The following CDKN2A variants were observed in gnomAD, a reference collection of about 807,000 sequenced individuals.
The protein encoded by CDKN2A is cyclin-dependent kinase inhibitor 2A.
CDKN2A carries 3 observed loss-of-function variants against 11.1 expected under a neutral mutation model. The ratio of observed to expected loss-of-function variants is 0.27; its 90% CI spans 0.12 to 0.70. The LOEUF (loss-of-function observed/expected upper bound fraction) is 0.70. CDKN2A is among the 30% of genes least tolerant of loss of function. The probability of loss-of-function intolerance (pLI) is 0.77; values close to 1 mark genes in which losing one functional copy is unlikely to be tolerated. For missense variants in CDKN2A, 265 were observed against 233.6 expected, an observed-to-expected ratio of 1.13 and a Z score of -0.88; for synonymous variants, 122 against 108.1, an observed-to-expected ratio of 1.13 and a Z score of -0.80.
chr9:21,990,095 G>C (rs1038405651), intron 2 of CDKN2A: 2 of 152,774 alleles, frequency 1.3e-5, no homozygotes, highest in Non-Finnish European at 2.9e-5. Flanking sequence ...CCCCAGCGTG[G>C]CTCCGGAGGC....
intron 2 of CDKN2A, chr9:21,970,426 A>G (rs1356361244): frequency 2.9e-6 from 1 of 350,320 alleles, no homozygotes; most frequent in African/African-American, 2.1e-5. Flanking sequence ...TGAGTTGTGC[A>G]GAAGAGCCGA....
intron 1 of CDKN2A, among the ~76,000 whole-genome samples, chr9:21,971,575 A>ATTTTTTTT (rs59981968): frequency 0.012 from 1,283 of 111,268 alleles, 111 homozygotes; most frequent in African/African-American, 0.049. Flanking sequence ...AGGCCTGGAG[A>ATTTTTTTT]TTTTTTTTTT....
chr9:21,971,299 C>T, intron 1 of CDKN2A, 91 bp from the exon 2 acceptor site: 1 of 1,535,480 alleles, frequency 6.5e-7, no homozygotes, highest in Admixed American at 2.0e-5. Context: ...GCCAAGCAGA[C>T]CCCCACACAA....
At chr9:21,993,171 ACGGT>A (rs2131144956) in intron 2 of CDKN2A, among the ~76,000 whole-genome samples, 1 of 152,352 alleles carries the variant, frequency 6.6e-6, no homozygotes, top group Admixed American at 6.5e-5. Context: ...TACCACAAGG[ACGGT>A]CATAAAAGTG....
rs1060504181 is a variant in CDKN2A, at chr9:21,971,113, C to T, written c.246G>A (p.Val82=). 3 of 1,604,352 alleles carry T rather than the reference C, an allele frequency of 1.9e-6. No individual in the cohort carries two copies. The highest frequency in any genetic ancestry group is 1.1e-5 in the South Asian group (1 of 90,990). Residue 82 remains valine (V), a synonymous_variant, in exon 2 of 3, where the codon GTG becomes GTA. Coordinates refer to ENST00000304494, the MANE Select transcript of CDKN2A (RefSeq NM_000077.5). ...GGAAGCCCTCCCGGGCAGCGTCGTGCACGGGTCGGGTGAGAGTGGCGGGGT... is the reference window on the plus strand; with the variant it reads ...GGAAGCCCTCCCGGGCAGCGTCGTGTACGGGTCGGGTGAGAGTGGCGGGGT... The part of the protein sequence containing the change: ...CADPATLTRP[V]HDAAREGFLD...
chr9:21,970,889 C>A lies in CDKN2A; in HGVS notation c.457+13G>T, dbSNP rs1320346624. The A allele has an allele frequency of 6.2e-7, 1 of 1,610,424 alleles. No homozygotes were observed. The highest frequency in any genetic ancestry group is 1.8e-4 in the Middle Eastern group (1 of 5,572). Reference sequence around the variant, plus strand: ...GCTCTCAGGGTACAAATTCTCAGATCATCAGTCCTCACCTGAGGGACCTTC... The same window carrying A: ...GCTCTCAGGGTACAAATTCTCAGATAATCAGTCCTCACCTGAGGGACCTTC... On this transcript the variant is annotated intron_variant, in intron 2 of 2. Coordinates refer to ENST00000304494, the MANE Select transcript of CDKN2A (RefSeq NM_000077.5).
At position 21,994,282 on chromosome 9, in the gene CDKN2A, G is replaced by A. The variant is rs1820534329; in HGVS notation, c.-175-229C>T. On this transcript the variant is annotated intron_variant, in intron 1 of 3. Transcript: ENST00000494262. ...AACCACGAAAACCCTCACTCGCGGC[G>A]GGCCGCACGCGCGCCGAATCCGGAG... is the stretch of plus-strand genomic sequence containing the variant. 4 of 1,604,002 alleles carry A rather than the reference G, an allele frequency of 2.5e-6. No individual in the cohort carries two copies. Among genetic ancestry groups the A allele is most frequent in the Non-Finnish European group, 3.4e-6 (4 of 1,175,950 alleles).
chr9:21,980,871 A>G (rs1466863609), intron 2 of CDKN2A, among the ~76,000 whole-genome samples: 1 of 147,892 alleles, frequency 6.8e-6, no homozygotes, highest in Admixed American at 6.8e-5. Context: ...AGGAAGGAGA[A>G]TGGCGTGAAC....
Position 21,974,647 on chromosome 9 carries a change from C to T in CDKN2A, c.150+31G>A, listed in dbSNP as rs537813612. On this transcript the variant is annotated intron_variant, in intron 1 of 2. Transcript: ENST00000304494. This position sits in a 1 kb window ranked among gnomAD's most constrained non-coding sequence, Gnocchi z 5.2. ...TTCGTCCTCCAGAGTCGCCCGCCAT[C>T]CCCTGCTCCCGCTGCAGACCCTCTA... 4 of 1,614,240 alleles carry T rather than the reference C, an allele frequency of 2.5e-6. No homozygotes were observed. The highest frequency in any genetic ancestry group is 2.2e-5 in the South Asian group (2 of 91,090).
At chr9:21,990,654 C>T (rs148014603) in intron 2 of CDKN2A, among the ~76,000 whole-genome samples, 740 of 29,862 alleles carry the variant, frequency 0.025, 11 homozygotes, top group African/African-American at 0.058. Flanking sequence ...GAGAGAGAAA[C>T]TGTTTACTGT....
intron 2 of CDKN2A, chr9:21,970,107 T>C: frequency 3.7e-6 from 1 of 271,550 alleles, no homozygotes. Context: ...CCAGAAACAA[T>C]TGAGTAATGT....
Position 21,994,103 on chromosome 9 carries a change from C to G in CDKN2A, c.-175-50G>C, listed in dbSNP as rs761780931. 2.5e-6 allele frequency: 4 copies of G among 1,589,372 alleles called. 1 individual carries two copies. The highest frequency in any genetic ancestry group is 2.2e-5 in the South Asian group (2 of 90,104). ...AAATCACACCAAACAAAACAAGTGC[C>G]GAATGCGCCCCGGACTTTTCGAGGG... On this transcript the variant is annotated intron_variant, in intron 1 of 3. Coordinates refer to the CDKN2A transcript ENST00000494262.
At chr9:21,994,415 T>G in intron 1 of CDKN2A, 1 of 1,604,052 alleles carries the variant, frequency 6.2e-7, no homozygotes, top group Non-Finnish European at 8.5e-7. Context: ...TCCTGCCCCC[T>G]TAACTGCAGA....
At chr9:21,984,295 A>T (rs973994243) in intron 2 of CDKN2A, among the ~76,000 whole-genome samples, 1 of 151,824 alleles carries the variant, frequency 6.6e-6, no homozygotes, top group African/African-American at 2.4e-5. Context: ...TCCAAAAAAA[A>T]CCCCTCATTA....
In CDKN2A at chr9:21,971,020, C is replaced by T. The variant is rs575031539; in HGVS notation, c.339G>A (p.Leu113=). ...CCAGCTCCTCAGCCAGGTCCACGGG[C>T]AGACGGCCCCAGGCATCGCGCACGT... ...RLDVRDAWGR[L]PVDLAEELGH... is the part of the protein sequence containing the mutation. The change falls in exon 2 of 3, where the codon CTG becomes CTA. Residue 113 remains leucine, a synonymous_variant. Transcript: ENST00000304494. 5.0e-6 allele frequency: 8 copies of T among 1,607,312 alleles called. No homozygotes were observed. The highest frequency in any genetic ancestry group is 6.8e-6 in the Non-Finnish European group (8 of 1,179,672).
Position 21,967,778 on chromosome 9 carries a change from T to G in CDKN2A, c.*451A>C, listed in dbSNP as rs929343241. 2.1e-5 allele frequency: 6 copies of G among 291,850 alleles called. No homozygotes were observed. The highest frequency in any genetic ancestry group is 1.3e-4 in the African/African-American group (6 of 46,784). The allele number at this position is 291,850 out of a possible 1,614,324, so 18.1% of individuals were successfully genotyped here. ...GAGTGAATGAATGAAAATTATTTTA[T>G]TTTTATTTGAGCTTTGGTTCTGCCA... On this transcript the variant is annotated 3_prime_UTR_variant, in exon 3 of 3. Transcript: ENST00000304494.
At chr9:21,970,374 A>T (rs765939981) in intron 2 of CDKN2A, 6 of 276,422 alleles carry the variant, frequency 2.2e-5, no homozygotes, top group Non-Finnish European at 4.1e-5. Flanking sequence ...ACTCTACCGC[A>T]TAAAGCGGAG....
rs1197443140 is a variant in CDKN2A at position 21,968,690 on chromosome 9, G to C, written c.458-448C>G. ...TTGCGATAACCAAAGGGCGCCTCAG[G>C]CTCTGGCGCTCCTCGGCGGAATCCC... On this transcript the variant is annotated intron_variant, in intron 2 of 2. Coordinates refer to ENST00000304494, the MANE Select transcript of CDKN2A (RefSeq NM_000077.5). This position sits in a 1 kb window ranked among gnomAD's most constrained non-coding sequence, Gnocchi z 4.7. The C allele has an allele frequency of 6.5e-7, 1 of 1,536,152 alleles. No homozygotes were observed. The highest frequency in any genetic ancestry group is 8.7e-7 in the Non-Finnish European group (1 of 1,146,886).
rs1416122398 is a variant in CDKN2A, at chr9:21,974,791, C to G, written c.37G>C (p.Ala13Pro). 1 of 1,607,146 alleles carries G rather than the reference C, an allele frequency of 6.2e-7. No homozygotes were observed. Among genetic ancestry groups the G allele is most frequent in the South Asian group, 1.1e-5 (1 of 90,950 alleles). Reference protein sequence around the residue: ...PAAGSSMEPSADWLATAAARG... With the variant: ...PAAGSSMEPSPDWLATAAARG... Reference sequence around the variant, plus strand: ...GCCGCGGCCGTGGCCAGCCAGTCAGCCGAAGGCTCCATGCTGCTCCCCGCC... The same window carrying G: ...GCCGCGGCCGTGGCCAGCCAGTCAGGCGAAGGCTCCATGCTGCTCCCCGCC... The change falls in exon 1 of 3, where the codon GCT becomes CCT. Residue 13 changes from alanine to proline, a missense_variant. Physicochemically the swap from Ala to Pro is conservative, Grantham distance 27. Coordinates refer to ENST00000304494, the MANE Select transcript of CDKN2A (RefSeq NM_000077.5). The surrounding 1 kb of genome is among the most constrained non-coding windows in gnomAD (Gnocchi z 5.2).
Sources: gnomAD v4.1 joint callset for allele counts (sites outside exome capture counted in the v4.1 genomes callset) on GRCh38, gnomAD v4.1.1 for gene constraint, Gnocchi (gnomAD v3.1) non-coding constraint, MANE v1.5 for transcripts, NCBI Gene and HGNC (gene_info 2026-07-23, HGNC 2026-07-21) for gene names.